Variants in NEK11 observed in about 807,000 individuals in gnomAD.
The protein encoded by NEK11 is serine/threonine-protein kinase Nek11.
Under a neutral mutation model 80.7 loss-of-function variants are expected in NEK11, and 72 were observed. The observed-to-expected ratio is 0.89, with a 90% CI of 0.74 to 1.08. The LOEUF (loss-of-function observed/expected upper bound fraction) is 1.08. NEK11 is among the 50% of genes least tolerant of loss of function. NEK11 has a pLI of 0.00. For synonymous variants in NEK11, 251 were observed against 260.7 expected, an observed-to-expected ratio of 0.96 and a Z score of 0.36; for missense variants, 764 against 763.6, an observed-to-expected ratio of 1.00 and a Z score of -0.01.
chr3:131,339,584 G>C (rs2097255076), intron 17 of NEK11, among the ~76,000 whole-genome samples: 1 of 152,136 alleles, frequency 6.6e-6, no homozygotes, highest in South Asian at 2.1e-4. Flanking sequence ...TTCACTGGTG[G>C]GATTTATAAA....
chr3:131,268,510 T>C (rs1446506379), intron 16 of NEK11, among the ~76,000 whole-genome samples: 1 of 152,228 alleles, frequency 6.6e-6, no homozygotes, highest in East Asian at 1.9e-4. Context: ...TTAGTTTTCC[T>C]TCTAACAGCC....
intron 3 of NEK11, among the ~76,000 whole-genome samples, chr3:131,058,242 A>G (rs1430158849): frequency 1.3e-5 from 2 of 151,872 alleles, no homozygotes; most frequent in Non-Finnish European, 2.9e-5. Context: ...TGTTCCATTG[A>G]TCTATGTCTC....
At chr3:131,240,251 A>G (rs919907549) in intron 15 of NEK11, among the ~76,000 whole-genome samples, 10 of 152,170 alleles carry the variant, frequency 6.6e-5, no homozygotes, top group African/African-American at 2.2e-4. Flanking sequence ...TGGGAAAAAC[A>G]AACCTCTTAG....
At chr3:131,320,543 G>C (rs2096886971) in intron 17 of NEK11, among the ~76,000 whole-genome samples, 1 of 151,696 alleles carries the variant, frequency 6.6e-6, no homozygotes, top group Non-Finnish European at 1.5e-5. Flanking sequence ...GAGAGAGAAG[G>C]AAAGACAGCT....
At chr3:131,115,928 TTCTTTCTTTCTTTCTTTC>T (rs2081007678) in intron 5 of NEK11, among the ~76,000 whole-genome samples, 1 of 109,972 alleles carries the variant, frequency 9.1e-6, no homozygotes, top group Admixed American at 9.3e-5. Context: ...CTTTCTTTCT[TTCTTTCTTTCTTTCTTTC>T]TTTCTTTCTT....
At chr3:131,278,486 G>A (rs545019679) in intron 17 of NEK11, among the ~76,000 whole-genome samples, 2 of 152,186 alleles carry the variant, frequency 1.3e-5, no homozygotes, top group Non-Finnish European at 2.9e-5. Flanking sequence ...GGCCTTTGTG[G>A]CTCCATGGTC....
chr3:131,143,453 C>T (rs1463663438), intron 7 of NEK11, among the ~76,000 whole-genome samples: 1 of 152,020 alleles, frequency 6.6e-6, no homozygotes, highest in African/African-American at 2.4e-5. Context: ...CACCTTATAA[C>T]TTGGCTTTAT....
At chr3:131,064,217 G>A (rs2071451685) in intron 3 of NEK11, among the ~76,000 whole-genome samples, 2 of 148,320 alleles carry the variant, frequency 1.3e-5, no homozygotes, top group South Asian at 4.1e-4. Flanking sequence ...TTTGGGGACT[G>A]TGTTAGTTTT....
intron 14 of NEK11, among the ~76,000 whole-genome samples, chr3:131,181,520 GC>G (rs2093341271): frequency 6.6e-6 from 1 of 152,110 alleles, no homozygotes; most frequent in Non-Finnish European, 1.5e-5. Flanking sequence ...GCCAAGGCGG[GC>G]AGATCACAAG....
chr3:131,331,860 T>C (rs1008999905), intron 17 of NEK11, among the ~76,000 whole-genome samples: 3 of 152,198 alleles, frequency 2.0e-5, no homozygotes, highest in Non-Finnish European at 4.4e-5. Context: ...TCTCGCTGAT[T>C]GCTAGCACAG....
At chr3:131,062,460 C>T (rs2071059182) in intron 3 of NEK11, among the ~76,000 whole-genome samples, 1 of 152,070 alleles carries the variant, frequency 6.6e-6, no homozygotes, top group South Asian at 2.1e-4. Context: ...ATAAAAGATA[C>T]CCATTTGAAA....
chr3:131,140,529 T>G (rs2086653434), intron 7 of NEK11, among the ~76,000 whole-genome samples: 1 of 152,140 alleles, frequency 6.6e-6, no homozygotes, highest in Non-Finnish European at 1.5e-5. Flanking sequence ...ATTATTGTTG[T>G]TTTAAGGTAC....
intron 15 of NEK11, among the ~76,000 whole-genome samples, chr3:131,237,736 A>C (rs1014704602): frequency 6.6e-6 from 1 of 152,090 alleles, no homozygotes; most frequent in Non-Finnish European, 1.5e-5. Flanking sequence ...AGCCCCTCAT[A>C]TACTCTACCC....
intron 14 of NEK11, among the ~76,000 whole-genome samples, chr3:131,176,822 G>A (rs2093044225): frequency 6.6e-6 from 1 of 152,068 alleles, no homozygotes; most frequent in South Asian, 2.1e-4. Context: ...CGCCTGGGAA[G>A]GCTATATGTC....
At chr3:131,126,287 T>C (rs925931385) in intron 5 of NEK11, among the ~76,000 whole-genome samples, 1 of 152,218 alleles carries the variant, frequency 6.6e-6, no homozygotes, top group Non-Finnish European at 1.5e-5. Context: ...CACCACTTCT[T>C]CTTCCACCCC....
At chr3:131,328,173 C>A (rs2097005500) in intron 17 of NEK11, among the ~76,000 whole-genome samples, 1 of 151,624 alleles carries the variant, frequency 6.6e-6, no homozygotes, top group South Asian at 2.1e-4. Flanking sequence ...TCCTGTAGTC[C>A]CAGCTATTCT....
chr3:131,045,244 C>G (rs2067211315), intron 3 of NEK11, among the ~76,000 whole-genome samples: 1 of 152,170 alleles, frequency 6.6e-6, no homozygotes, highest in African/African-American at 2.4e-5. Context: ...CTAAAATCGA[C>G]AATTGTCTAT....
chr3:131,124,148 C>G (rs1194280086), intron 5 of NEK11, among the ~76,000 whole-genome samples: 3 of 152,124 alleles, frequency 2.0e-5, no homozygotes, highest in Admixed American at 6.5e-5. Flanking sequence ...GCATGTCACT[C>G]CCCCCTTTTT....
chr3:131,044,421 G>GGAAAAA (rs2067019888), intron 3 of NEK11, among the ~76,000 whole-genome samples: 1 of 6,700 alleles, frequency 1.5e-4, no homozygotes. Context: ...CAAATGGAAA[G>GGAAAAA]CAAAAAAAAA....
Sources: gnomAD v4.1 joint callset for allele counts (sites outside exome capture counted in the v4.1 genomes callset) on GRCh38, gnomAD v4.1.1 for gene constraint, MANE v1.5 for transcripts, NCBI Gene and HGNC (gene_info 2026-07-23, HGNC 2026-07-21) for gene names.